Variants in POP1 observed in about 807,000 individuals in gnomAD.
POP1 encodes POP1 ribonuclease P/MRP subunit.
In POP1, 75 loss-of-function variants were observed where a neutral mutation model predicts 102.2. That is an observed-to-expected ratio of 0.73 (90% CI 0.61 to 0.89). The LOEUF is 0.89. POP1 is among the 40% of genes least tolerant of loss of function. The pLI is 0.00. For synonymous variants in POP1, 436 were observed against 464.1 expected (o/e 0.94, Z 0.78); for missense variants, 1,116 against 1,267.4 (o/e 0.88, Z 1.81).
rs144623553 is a variant in POP1 at position 98,124,848 on chromosome 8, T to C, written c.142+1369T>C. Among the ~76,000 whole-genome samples the C allele has an allele frequency of 1.6e-3, 251 of 152,298 alleles. 1 individual carries two copies. The highest frequency in any genetic ancestry group is 6.0e-3 in the African/African-American group (248 of 41,566). ...CTGATTTTAGAACCTTATGAAGTGA[T>C]AGGAAGATCACAGTTGTTCATTAGG... On this transcript the variant is annotated intron_variant, in intron 2 of 15. Coordinates refer to ENST00000401707, the MANE Select transcript of POP1 (RefSeq NM_001145860.2).
chr8:98,124,985 A>G (rs1208690094), intron 2 of POP1, among the ~76,000 whole-genome samples: 2 of 152,330 alleles, frequency 1.3e-5, no homozygotes, highest in Non-Finnish European at 1.5e-5. Flanking sequence ...TTTAGAGTCA[A>G]GTTCATAAGG....
intron 1 of POP1, among the ~76,000 whole-genome samples, chr8:98,119,390 C>T (rs1815947252): frequency 6.6e-6 from 1 of 152,178 alleles, no homozygotes; most frequent in Admixed American, 6.5e-5. Flanking sequence ...GGTTCTCAAA[C>T]TGGGAACTAA....
intron 15 of POP1, 102 bp from the exon 16 acceptor site, chr8:98,157,515 G>A: frequency 7.5e-7 from 1 of 1,326,790 alleles, no homozygotes; most frequent in South Asian, 1.2e-5. Flanking sequence ...TTCTTATATA[G>A]TATAAAAGAA....
intron 11 of POP1, among the ~76,000 whole-genome samples, chr8:98,142,576 CTGT>C (rs1485166183): frequency 1.3e-5 from 2 of 152,140 alleles, no homozygotes; most frequent in Non-Finnish European, 2.9e-5. Flanking sequence ...GCCGTACTAG[CTGT>C]TGTTTTATTT....
rs750752565 is a variant in POP1, at chr8:98,150,601, G to A, written c.2019G>A (p.Ala673=). The part of the protein sequence containing the change: ...FPDCPAGMLF[A]EEQAKNLLEK... ...ACTGCCCTGCCGGGATGCTGTTTGC[G>A]GAAGAGCAAGCTAAGAATCTTCTTG... Residue 673 remains alanine, a synonymous_variant, in exon 14 of 16, where the codon GCG becomes GCA. Transcript: ENST00000401707. 40 of 1,614,052 alleles carry A rather than the reference G, an allele frequency of 2.5e-5. No homozygotes were observed. The highest frequency in any genetic ancestry group is 4.5e-5 in the East Asian group (2 of 44,900).
At chr8:98,151,726 G>A (rs1278273268) in intron 14 of POP1, among the ~76,000 whole-genome samples, 1 of 147,594 alleles carries the variant, frequency 6.8e-6, no homozygotes, top group Non-Finnish European at 1.5e-5. Context: ...GAGACAGGCA[G>A]TCTGCCTGGC....
At chr8:98,136,069 T>A (rs994142360) in intron 7 of POP1, among the ~76,000 whole-genome samples, 3 of 73,146 alleles carry the variant, frequency 4.1e-5, no homozygotes, top group Non-Finnish European at 8.0e-5. Context: ...AATGTGATTT[T>A]TTTTTATTTT....
chr8:98,139,738 A>AG (rs1816653747), intron 9 of POP1, among the ~76,000 whole-genome samples: 1 of 152,016 alleles, frequency 6.6e-6, no homozygotes, highest in Admixed American at 6.6e-5. Context: ...CAAGAAAAAA[A>AG]AGAGAGAGGA....
chr8:98,143,583 A>T (rs1387790924), intron 11 of POP1, among the ~76,000 whole-genome samples: 1 of 152,124 alleles, frequency 6.6e-6, no homozygotes, highest in Non-Finnish European at 1.5e-5. Context: ...CTAAGTTTGT[A>T]TTAAGGTCCA....
chr8:98,156,346 G>A lies in POP1; in HGVS notation c.2354G>A (p.Arg785Lys). Reference sequence around the variant, plus strand: ...TGTCAAGAATCGGCAGGGCCTGAGAGGATCACAGACCAGGAGGCCAGTGAA... The same window carrying A: ...TGTCAAGAATCGGCAGGGCCTGAGAAGATCACAGACCAGGAGGCCAGTGAA... ...AGCQESAGPE[R>K]ITDQEASENH... The change falls in exon 15 of 16, where the codon AGG becomes AAG. Residue 785 changes from arginine (R) to lysine (K), a missense_variant. Coordinates refer to ENST00000401707, the MANE Select transcript of POP1 (RefSeq NM_001145860.2). The A allele has an allele frequency of 6.2e-7, 1 of 1,614,066 alleles. No individual in the cohort carries two copies. Among genetic ancestry groups the A allele is most frequent in the Non-Finnish European group, 8.5e-7 (1 of 1,180,016 alleles).
intron 9 of POP1, among the ~76,000 whole-genome samples, chr8:98,137,953 A>C (rs1292842032): frequency 6.6e-6 from 1 of 152,210 alleles, no homozygotes; most frequent in Non-Finnish European, 1.5e-5. Flanking sequence ...TGACGTGGTC[A>C]AATACGATGA....
Position 98,157,948 on chromosome 8 carries a change from G to A in POP1, c.2752G>A (p.Glu918Lys). The A allele has an allele frequency of 6.2e-7, 1 of 1,613,948 alleles. No individual in the cohort carries two copies. Among genetic ancestry groups the A allele is most frequent in the South Asian group, 1.1e-5 (1 of 91,082 alleles). The change falls in exon 16 of 16, where the codon GAG becomes AAG. Residue 918 changes from glutamate (E) to lysine (K), a missense_variant. Transcript: ENST00000401707. ...GAAACAGAAAGAGAAGAAGAAAAGG[G>A]AGAAGAGGCAGAAGCCAGGACGTGC... ...ILKQKEKKKR[E>K]KRQKPGRASS... is the part of the protein sequence containing the mutation.
intron 11 of POP1, among the ~76,000 whole-genome samples, chr8:98,142,906 C>G (rs1816745488): frequency 6.6e-6 from 1 of 152,078 alleles, no homozygotes. Flanking sequence ...TCCCCTGGGC[C>G]CTTTGAACTG....
At position 98,150,721 on chromosome 8, in the gene POP1, A is replaced by C. The variant is rs1586249741; in HGVS notation, c.2057+82A>C. The C allele has an allele frequency of 8.1e-6, 11 of 1,361,278 alleles. No homozygotes were observed. In the East Asian group the frequency reaches 2.6e-4, roughly 32 times the overall value. The allele number at this position is 1,361,278 out of a possible 1,614,324, so 84.3% of individuals were successfully genotyped here. A position where few individuals can be genotyped will look rare whatever the true frequency, so the allele number is the denominator to read the frequency against. ...TTATATTGGTATCCCAAACATTAGG[A>C]TGGCTTTGGTAATTTCATAGACTTT... On this transcript the variant is annotated intron_variant, in intron 14 of 15. Coordinates refer to ENST00000401707, the MANE Select transcript of POP1 (RefSeq NM_001145860.2).
intron 14 of POP1, among the ~76,000 whole-genome samples, chr8:98,151,878 G>T (rs1481978945): frequency 6.6e-6 from 1 of 151,916 alleles, no homozygotes; most frequent in African/African-American, 2.4e-5. Context: ...GAGTAGCTGG[G>T]ACTATAGGCA....
rs1563778705 is a variant in POP1, at chr8:98,140,100, CA to C, written c.1386del (p.Pro463LeufsTer6). On this transcript the variant is annotated frameshift_variant, in exon 10 of 16. Coordinates refer to ENST00000401707, the MANE Select transcript of POP1 (RefSeq NM_001145860.2). LOFTEE classifies it high-confidence loss of function. ...CAGGTGGGAGAGGACACAGAGGAGA[CA>C]CCTCACCGCTGGTGGATAGAAACCT... is the stretch of plus-strand genomic sequence containing the variant. ...VHTVGEDTEE[T>X]PHRWWIETCK... is the part of the protein sequence containing the mutation. 1.9e-6 allele frequency: 3 copies of C among 1,613,940 alleles called. No individual in the cohort carries two copies. The highest frequency in any genetic ancestry group is 2.5e-6 in the Non-Finnish European group (3 of 1,179,886).
At chr8:98,150,779 A>T (rs1809494191) in intron 14 of POP1, 140 bp downstream of exon 14, 1 of 854,728 alleles carries the variant, frequency 1.2e-6, no homozygotes, top group Admixed American at 2.6e-5. Flanking sequence ...GAAATAATTA[A>T]GAAGATATTA....
At chr8:98,119,897 C>T (rs113294955) in intron 1 of POP1, among the ~76,000 whole-genome samples, 10 of 152,232 alleles carry the variant, frequency 6.6e-5, no homozygotes, top group African/African-American at 2.4e-4. Context: ...AAATTAAATC[C>T]TCAGACTTCA....
At chr8:98,151,301 C>T (rs150496671) in intron 14 of POP1, among the ~76,000 whole-genome samples, 5 of 152,220 alleles carry the variant, frequency 3.3e-5, no homozygotes, top group African/African-American at 9.6e-5. Flanking sequence ...AGGCTGGTCT[C>T]GATACCAATT....
Sources: allele counts gnomAD v4.1 joint callset (sites outside exome capture counted in the v4.1 genomes callset), GRCh38; gene constraint gnomAD v4.1.1; transcripts MANE v1.5; gene names NCBI Gene and HGNC (gene_info 2026-07-23, HGNC 2026-07-21).